Variants in GALNT3 observed in about 807,000 individuals in gnomAD.
GALNT3 encodes the protein polypeptide N-acetylgalactosaminyltransferase 3.
GALNT3 carries 51 observed loss-of-function variants against 69.8 expected under a neutral mutation model. The ratio of observed to expected loss-of-function variants is 0.73; its 90% CI spans 0.58 to 0.92. GALNT3 has a LOEUF of 0.92. Ranked by LOEUF, GALNT3 falls within the 40% of genes least tolerant of loss-of-function variation. The pLI, the probability that GALNT3 is intolerant of heterozygous loss-of-function variation, is 0.00. For synonymous variants in GALNT3, 265 were observed against 248.5 expected (o/e 1.07, Z -0.63); for missense variants, 711 against 760.0 (o/e 0.94, Z 0.76).
rs377457673 is a variant in GALNT3, at chr2:165,770,948, CA to C, written c.-108-141del. The C allele has an allele frequency of 1.5e-3, 574 of 376,694 alleles. 5 individuals are homozygous for C. The highest frequency in any genetic ancestry group is 0.011 in the African/African-American group (540 of 48,334). 23.3% of individuals were successfully genotyped at this position (376,694 alleles called of 1,614,324 possible). A position where few individuals can be genotyped will look rare whatever the true frequency, so the allele number is the denominator to read the frequency against. ...TGAGAATACAAAGATATCTTGTCCT[CA>C]AGAAAATTACACTTTTGGAAGAAAA... On this transcript the variant is annotated intron_variant, in intron 1 of 10. Transcript: ENST00000392701.
At chr2:165,786,803 A>G (rs748610527) in intron 1 of GALNT3, among the ~76,000 whole-genome samples, 4 of 152,138 alleles carry the variant, frequency 2.6e-5, no homozygotes, top group Non-Finnish European at 5.9e-5. Context: ...CAATTTTCCT[A>G]TCTTTAAAAT....
intron 4 of GALNT3, chr2:165,761,687 A>G: frequency 1.4e-6 from 1 of 712,426 alleles, no homozygotes; most frequent in Non-Finnish European, 2.6e-6. Flanking sequence ...AGTTGAGGAA[A>G]CTTAAACACA....
intron 3 of GALNT3, among the ~76,000 whole-genome samples, chr2:165,762,835 G>A (rs558418063): frequency 1.3e-5 from 2 of 152,182 alleles, no homozygotes; most frequent in East Asian, 1.9e-4. Flanking sequence ...TTGCTCTGTC[G>A]CCCAGGGTGG....
intron 1 of GALNT3, among the ~76,000 whole-genome samples, chr2:165,791,210 T>C (rs1683339973): frequency 6.6e-6 from 1 of 151,946 alleles, no homozygotes. Context: ...TACAGTAAAG[T>C]TTTTAAGAAA....
In GALNT3 at chr2:165,764,884, C is replaced by T. The variant is rs1210367641; in HGVS notation, c.688G>A (p.Glu230Lys). ...ATCTAATTTGCATGTGCTTTCTTAC[C>T]ATCTACACTAGCATCATCCACCAAA... is the stretch of plus-strand genomic sequence containing the variant. ...IILVDDASVD[E>K]YLHDKLDEYV... is the part of the protein sequence containing the mutation. The change falls in exon 3 of 11, where the codon GAG (glutamate) becomes AAG (lysine). Residue 230 changes from glutamate to lysine, a missense_variant and splice_region_variant. Physicochemically the swap from Glu to Lys is moderately conservative, Grantham distance 56. Coordinates refer to ENST00000392701, the MANE Select transcript of GALNT3 (RefSeq NM_004482.4). 6.2e-7 allele frequency: 1 copy of T among 1,613,784 alleles called. No individual in the cohort carries two copies. Among genetic ancestry groups the T allele is most frequent in the South Asian group, 1.1e-5 (1 of 91,066 alleles).
At chr2:165,756,970 T>G in intron 7 of GALNT3, 77 bp downstream of exon 7, 29 of 1,116,078 alleles carry the variant, frequency 2.6e-5, no homozygotes, top group Non-Finnish European at 3.2e-5. Context: ...GTTTTGTACT[T>G]GAGATGAATC....
Position 165,764,891 on chromosome 2 carries a change from A to G in GALNT3, c.681T>C (p.Ser227=), listed in dbSNP as rs1558999126. The change falls in exon 3 of 11, where the codon AGT becomes AGC. Residue 227 remains serine (S), a synonymous_variant. Coordinates refer to ENST00000392701, the MANE Select transcript of GALNT3 (RefSeq NM_004482.4). ...LKEIILVDDA[S]VDEYLHDKLD... is the part of the protein sequence containing the mutation. ...TTGCATGTGCTTTCTTACCATCTAC[A>G]CTAGCATCATCCACCAAAATGATTT... 1 of 1,614,226 alleles carries G rather than the reference A, an allele frequency of 6.2e-7. No homozygotes were observed. Among genetic ancestry groups the G allele is most frequent in the East Asian group, 2.2e-5 (1 of 44,880 alleles).
intron 2 of GALNT3, 28 bp from the exon 3 acceptor site, chr2:165,765,084 C>T: frequency 6.3e-7 from 1 of 1,588,336 alleles, no homozygotes. Flanking sequence ...AGTAGAAAAA[C>T]AATTACAAAT....
chr2:165,759,505 C>G lies in GALNT3; in HGVS notation c.904G>C (p.Val302Leu), dbSNP rs765239589. 1.9e-6 allele frequency: 3 copies of G among 1,614,014 alleles called. No individual in the cohort carries two copies. Among genetic ancestry groups the G allele is most frequent in the Middle Eastern group, 1.6e-4 (1 of 6,062 alleles). The stretch of plus-strand genomic sequence containing the variant: ...TCTATGGATGCAATATCTGGACTTA[C>G]GACAGCCGTGTAGTTCTCAGCTATT... ...ARIAENYTAVVSPDIASIDLN... is the reference protein window; with the variant it reads ...ARIAENYTAVLSPDIASIDLN... The change falls in exon 5 of 11, where the codon GTA (valine) becomes CTA (leucine). Residue 302 changes from valine to leucine, a missense_variant. Val to Leu is a conservative substitution (Grantham distance 32). Coordinates refer to ENST00000392701, the MANE Select transcript of GALNT3 (RefSeq NM_004482.4).
At chr2:165,762,883 G>A (rs988792621) in intron 3 of GALNT3, among the ~76,000 whole-genome samples, 73 of 152,086 alleles carry the variant, frequency 4.8e-4, no homozygotes, top group African/African-American at 1.6e-3. Context: ...TCCGCCTCTG[G>A]GCTGCAAGCA....
At chr2:165,792,068 T>G (rs550865673) in intron 1 of GALNT3, among the ~76,000 whole-genome samples, 2 of 152,316 alleles carry the variant, frequency 1.3e-5, no homozygotes, top group East Asian at 3.9e-4. Flanking sequence ...ATGCCATCTC[T>G]GAGTGAAATG....
chr2:165,784,244 G>A (rs1172923756), intron 1 of GALNT3, among the ~76,000 whole-genome samples: 4 of 152,112 alleles, frequency 2.6e-5, no homozygotes, highest in Non-Finnish European at 4.4e-5. Flanking sequence ...TAATTCTTTA[G>A]GCAAAGGGAG....
intron 9 of GALNT3, among the ~76,000 whole-genome samples, chr2:165,751,224 C>T (rs1466566544): frequency 6.6e-6 from 1 of 152,062 alleles, no homozygotes; most frequent in Non-Finnish European, 1.5e-5. Context: ...TTTGTTAAGT[C>T]CTTATTACAT....
Position 165,784,963 on chromosome 2 carries a change from T to C in GALNT3, c.-109+9052A>G, listed in dbSNP as rs372819737. On this transcript the variant is annotated intron_variant, in intron 1 of 10. Coordinates refer to ENST00000392701, the MANE Select transcript of GALNT3 (RefSeq NM_004482.4). Reference sequence around the variant, plus strand: ...TTGTCCTCTAGAAATGAGCCCCCTCTGCCATTAAGTATTTACTATCAGGTG... The same window carrying C: ...TTGTCCTCTAGAAATGAGCCCCCTCCGCCATTAAGTATTTACTATCAGGTG... 5.3e-5 allele frequency among the ~76,000 whole-genome samples: 8 copies of C among 152,330 alleles called. No individual in the cohort carries two copies. The East Asian group carries it at 1.4e-3, about 26-fold the overall frequency.
At chr2:165,757,956 G>T (rs976939371) in intron 6 of GALNT3, among the ~76,000 whole-genome samples, 1 of 152,168 alleles carries the variant, frequency 6.6e-6, no homozygotes, top group Non-Finnish European at 1.5e-5. Context: ...CTATGTGCTT[G>T]TAGTAGAGCA....
rs786205250 is a variant in GALNT3, at chr2:165,764,894, AG to A, written c.677del (p.Ala226ValfsTer3). ...CATGTGCTTTCTTACCATCTACACT[AG>A]CATCATCCACCAAAATGATTTCCTT... ...LLKEIILVDD[A>X]SVDEYLHDKL... On this transcript the variant is annotated frameshift_variant, in exon 3 of 11. Transcript: ENST00000392701. LOFTEE classifies it high-confidence loss of function. The A allele has an allele frequency of 6.2e-7, 1 of 1,614,186 alleles. No individual in the cohort carries two copies. The highest frequency in any genetic ancestry group is 1.1e-5 in the South Asian group (1 of 91,082).
At chr2:165,761,563 A>AAAACAAAC (rs35898002) in intron 4 of GALNT3, among the ~76,000 whole-genome samples, 1 of 148,306 alleles carries the variant, frequency 6.7e-6, no homozygotes, top group Non-Finnish European at 1.5e-5. Flanking sequence ...GGGAATCAAG[A>AAAACAAAC]AAACAAACAA....
intron 4 of GALNT3, 132 bp downstream of exon 4, chr2:165,761,773 A>G (rs1264274869): frequency 2.1e-6 from 2 of 971,868 alleles, no homozygotes; most frequent in Non-Finnish European, 3.3e-6. Context: ...TGTCATTGCT[A>G]TAATCGCCAG....
At chr2:165,755,827 T>C (rs1172875537) in intron 7 of GALNT3, among the ~76,000 whole-genome samples, 3 of 152,220 alleles carry the variant, frequency 2.0e-5, no homozygotes, top group Non-Finnish European at 4.4e-5. Flanking sequence ...AACTTTGATG[T>C]CTTGAACCCA....
Sources: gnomAD v4.1 joint callset for allele counts (sites outside exome capture counted in the v4.1 genomes callset) on GRCh38, gnomAD v4.1.1 for gene constraint, MANE v1.5 for transcripts, NCBI Gene and HGNC (gene_info 2026-07-23, HGNC 2026-07-21) for gene names.